HID1: variants seen among roughly 807,000 people sequenced by gnomAD.
HID1 encodes the protein protein HID1.
In HID1, 42 loss-of-function variants were observed where a neutral mutation model predicts 89.7. The observed-to-expected ratio is 0.47, with a 90% CI of 0.37 to 0.61. The LOEUF (loss-of-function observed/expected upper bound fraction) is 0.61. Among genes scored for constraint, HID1 ranks in the 20% least tolerant of loss-of-function variants. The pLI is 0.00. For missense variants in HID1, 854 were observed against 1,039.3 expected (o/e 0.82, Z 2.45); for synonymous variants, 442 against 433.8 (o/e 1.02, Z -0.24).
chr17:74,968,391 G>A (rs1398678035), intron 1 of HID1, among the ~76,000 whole-genome samples: 1 of 151,970 alleles, frequency 6.6e-6, no homozygotes, highest in African/African-American at 2.4e-5. Context: ...CTGAGCACCC[G>A]TGGAACTCTC....
intron 1 of HID1, among the ~76,000 whole-genome samples, chr17:74,966,393 C>T (rs1209576874): frequency 6.6e-6 from 1 of 151,490 alleles, no homozygotes; most frequent in African/African-American, 2.4e-5. Context: ...TGTAAGAGCA[C>T]ATGTTACTAT....
At chr17:74,954,994 A>G (rs1182359836) in intron 13 of HID1, 1 of 161,056 alleles carries the variant, frequency 6.2e-6, no homozygotes, top group Admixed American at 5.7e-5. Flanking sequence ...GTTGCCAGGC[A>G]CTGTGCTAAG....
At chr17:74,969,939 T>TC (rs1194763424) in intron 1 of HID1, among the ~76,000 whole-genome samples, 1 of 148,368 alleles carries the variant, frequency 6.7e-6, no homozygotes, top group Non-Finnish European at 1.5e-5. Context: ...TTTTTTTTTT[T>TC]TGAGGCAGAG....
At chr17:74,960,370 AGTGGCTTGGAAAGAGTGGGT>A in intron 6 of HID1, 122 bp from the exon 7 acceptor site, 1 of 823,496 alleles carries the variant, frequency 1.2e-6, no homozygotes, top group Non-Finnish European at 1.9e-6. Context: ...CACGTCAGGG[AGTGGCTTGGAAAGAGTGGGT>A]GTGGGAAGCC....
At chr17:74,971,532 G>C (rs1373862535) in intron 1 of HID1, among the ~76,000 whole-genome samples, 10 of 152,192 alleles carry the variant, frequency 6.6e-5, no homozygotes, top group Non-Finnish European at 1.5e-5. Context: ...CTGGCTGTGG[G>C]AGCTGGCTTC....
intron 1 of HID1, among the ~76,000 whole-genome samples, chr17:74,970,214 G>A (rs2039625749): frequency 6.6e-6 from 1 of 152,006 alleles, no homozygotes; most frequent in Non-Finnish European, 1.5e-5. Flanking sequence ...ACCACACCCG[G>A]CCCAAAATCA....
Position 74,962,676 on chromosome 17 carries a change from C to G in HID1, c.504+289G>C, listed in dbSNP as rs558734923. On this transcript the variant is annotated intron_variant, in intron 4 of 18. Coordinates refer to ENST00000425042, the MANE Select transcript of HID1 (RefSeq NM_030630.3). This position sits in a 1 kb window ranked among gnomAD's most constrained non-coding sequence, Gnocchi z 4.3. The stretch of plus-strand genomic sequence containing the variant: ...ACTCAAGGTGAAGTCCATGCCACCA[C>G]AGGAAGCAAGAGGGCCAGCCCTCCT... Among the ~76,000 whole-genome samples, 11 of 152,196 alleles carry G rather than the reference C, an allele frequency of 7.2e-5. No individual in the cohort carries two copies.
chr17:74,958,111 G>A lies in HID1; in HGVS notation c.1471+30C>T, dbSNP rs1229672734. On this transcript the variant is annotated intron_variant, in intron 12 of 18. Transcript: ENST00000425042. This position sits in a 1 kb window ranked among gnomAD's most constrained non-coding sequence, Gnocchi z 5.2. ...GTGGCCTGACACCACCTGGTGGTGAGCGCGGGGAGTGCAAGCTCCGGGCCC... is the reference window on the plus strand; with the variant it reads ...GTGGCCTGACACCACCTGGTGGTGAACGCGGGGAGTGCAAGCTCCGGGCCC... 1 of 1,571,316 alleles carries A rather than the reference G, an allele frequency of 6.4e-7. No individual in the cohort carries two copies. The highest frequency in any genetic ancestry group is 2.3e-5 in the East Asian group (1 of 42,726).
At chr17:74,954,951 G>A (rs1567958085) in intron 13 of HID1, 1 of 162,302 alleles carries the variant, frequency 6.2e-6, no homozygotes, top group Non-Finnish European at 1.4e-5. Flanking sequence ...CCCGACTTTG[G>A]AAATAGCAAT....
chr17:74,958,428 C>T lies in HID1; in HGVS notation c.1291G>A (p.Gly431Arg), dbSNP rs1363927420. Residue 431 changes from glycine (G) to arginine (R), a missense_variant, in exon 11 of 19, where the codon GGG (glycine) becomes AGG (arginine). Coordinates refer to ENST00000425042, the MANE Select transcript of HID1 (RefSeq NM_030630.3). The surrounding 1 kb of genome is among the most constrained non-coding windows in gnomAD (Gnocchi z 5.2). ...AGCCGCACCCCGAAGTTCCGCTCCC[C>T]GCTCAGAAGCAGCAAGATGAAGACA... is the stretch of plus-strand genomic sequence containing the variant. ...IGVFILLLLS[G>R]ERNFGVRLNK... The T allele has an allele frequency of 1.9e-6, 3 of 1,603,368 alleles. No individual in the cohort carries two copies. The highest frequency in any genetic ancestry group is 1.3e-5 in the African/African-American group (1 of 74,770).
chr17:74,956,003 T>A (rs1227246328), intron 12 of HID1, 47 bp from the exon 13 acceptor site: 1 of 1,579,302 alleles, frequency 6.3e-7, no homozygotes, highest in Non-Finnish European at 8.7e-7. Flanking sequence ...AGCCAAGCCA[T>A]CCCTGCACAT....
rs568938255 is a variant in HID1 at position 74,960,145 on chromosome 17, C to T, written c.832G>A (p.Glu278Lys). ...YNHLLFSDYREPLVEEAAQVL... is the reference protein window; with the variant it reads ...YNHLLFSDYRKPLVEEAAQVL... ...TGGGCAGCCTCCTCCACCAGGGGTT[C>T]CCGGTAGTCAGAGAAGAGCAGGTGG... The change falls in exon 7 of 19, where the codon GAA becomes AAA. Residue 278 changes from glutamate to lysine, a missense_variant. Transcript: ENST00000425042. 292 of 1,614,040 alleles carry T rather than the reference C, an allele frequency of 1.8e-4. 1 individual carries two copies. The South Asian group carries it at 2.8e-3, about 16-fold the overall frequency.
chr17:74,972,367 G>C lies in HID1; in HGVS notation c.66+224C>G, dbSNP rs1005504630. Among the ~76,000 whole-genome samples, 1 of 152,202 alleles carries C rather than the reference G, an allele frequency of 6.6e-6. No individual in the cohort carries two copies. The highest frequency in any genetic ancestry group is 1.5e-5 in the Non-Finnish European group (1 of 68,018). On this transcript the variant is annotated intron_variant, in intron 1 of 18. Transcript: ENST00000425042. The surrounding 1 kb of genome is among the most constrained non-coding windows in gnomAD (Gnocchi z 6.4). Reference sequence around the variant, plus strand: ...CTAAGGTGGCAGCAGCGGCTTCGGGGAGAGGGGTGTTCCCAGGAGAGGAGG... The same window carrying C: ...CTAAGGTGGCAGCAGCGGCTTCGGGCAGAGGGGTGTTCCCAGGAGAGGAGG...
chr17:74,966,718 G>A (rs1448549766), intron 1 of HID1, among the ~76,000 whole-genome samples: 1 of 152,130 alleles, frequency 6.6e-6, no homozygotes, highest in Non-Finnish European at 1.5e-5. Context: ...GGGAGGCCAA[G>A]GTGGGAGAAT....
intron 12 of HID1, among the ~76,000 whole-genome samples, chr17:74,956,201 C>T (rs2039388757): frequency 6.6e-6 from 1 of 152,154 alleles, no homozygotes; most frequent in Admixed American, 6.5e-5. Flanking sequence ...TAAAGCCATA[C>T]ACATCCCACC....
intron 14 of HID1, 99 bp from the exon 15 acceptor site, chr17:74,953,750 T>C: frequency 1.1e-6 from 1 of 930,128 alleles, no homozygotes; most frequent in Non-Finnish European, 1.7e-6. Context: ...TTACTCCTGC[T>C]TCCCTCTGGA....
chr17:74,962,189 C>A lies in HID1; in HGVS notation c.611+45G>T, dbSNP rs971017455. ...TTCTGAGCTGTGCGGGGGCCCGGCC[C>A]GGGGTCCAGCTGCATTGAGGGCTCC... On this transcript the variant is annotated intron_variant, in intron 5 of 18. Transcript: ENST00000425042. This position sits in a 1 kb window ranked among gnomAD's most constrained non-coding sequence, Gnocchi z 4.3. 17 of 1,505,608 alleles carry A rather than the reference C, an allele frequency of 1.1e-5. No homozygotes were observed. The Admixed American group carries it at 1.6e-4, about 14-fold the overall frequency. 93.3% of individuals were successfully genotyped at this position (1,505,608 alleles called of 1,614,324 possible).
At position 74,959,873 on chromosome 17, in the gene HID1, G is replaced by A; in HGVS notation, c.1008+8C>T. ...ACCCTGCAAAGCCACTGTGGGGACTGGACTTGCCTCCTCACGATGGATGCG... is the reference window on the plus strand; with the variant it reads ...ACCCTGCAAAGCCACTGTGGGGACTAGACTTGCCTCCTCACGATGGATGCG... On this transcript the variant is annotated splice_region_variant and intron_variant, in intron 8 of 18. Coordinates refer to ENST00000425042, the MANE Select transcript of HID1 (RefSeq NM_030630.3). This position sits in a 1 kb window ranked among gnomAD's most constrained non-coding sequence, Gnocchi z 4.6. 1 of 1,613,642 alleles carries A rather than the reference G, an allele frequency of 6.2e-7. No homozygotes were observed. Among genetic ancestry groups the A allele is most frequent in the Non-Finnish European group, 8.5e-7 (1 of 1,179,956 alleles).
Position 74,963,899 on chromosome 17 carries a change from C to G in HID1, c.228G>C (p.Lys76Asn), listed in dbSNP as rs756835483. 1.2e-6 allele frequency: 2 copies of G among 1,613,790 alleles called. No homozygotes were observed. Among genetic ancestry groups the G allele is most frequent in the Non-Finnish European group, 1.7e-6 (2 of 1,180,000 alleles). The stretch of plus-strand genomic sequence containing the variant: ...AGCCACTCTCAGCTCCCTGCACCAG[C>G]TTCTCAACGGCCTGTGGGGGCAGGC... ...LATLCYKAVE[K>N]LVQGAESGCH... The change falls in exon 3 of 19, where the codon AAG (lysine) becomes AAC (asparagine). Residue 76 changes from lysine to asparagine, a missense_variant. Physicochemically the swap from Lys to Asn is moderately conservative, Grantham distance 94 (BLOSUM62 0). Transcript: ENST00000425042.
Sources: allele counts gnomAD v4.1 joint callset (sites outside exome capture counted in the v4.1 genomes callset), GRCh38; gene constraint gnomAD v4.1.1; non-coding constraint Gnocchi (gnomAD v3.1); transcripts MANE v1.5; gene names NCBI Gene and HGNC (gene_info 2026-07-23, HGNC 2026-07-21).